KRABD3: variants seen among roughly 807,000 people sequenced by gnomAD.
The protein encoded by KRABD3 is KRAB domain-containing protein 3.
the KRABD3 span, chr7:149,728,737 T>C: frequency 6.5e-7 from 1 of 1,548,754 alleles, no homozygotes; most frequent in Non-Finnish European, 8.8e-7. Flanking sequence ...CCCTAGGCGC[T>C]GCACCTGTGG....
At chr7:149,730,645 C>T in the KRABD3 span, 2 of 1,510,460 alleles carry the variant, frequency 1.3e-6, no homozygotes, top group Non-Finnish European at 1.8e-6. Context: ...CCTTTGAGTC[C>T]TGCCTGTCGC....
At chr7:149,723,746 C>T in the KRABD3 span, 43 of 1,612,326 alleles carry the variant, frequency 2.7e-5, no homozygotes, top group Middle Eastern at 1.6e-4. Flanking sequence ...AAGACCGAGG[C>T]GGTTTCAGGG....
chr7:149,727,240 C>A, the KRABD3 span, among the ~76,000 whole-genome samples: 2 of 152,194 alleles, frequency 1.3e-5, no homozygotes, highest in Non-Finnish European at 2.9e-5. Context: ...AATGTATTTA[C>A]TGAACAGGCC....
the KRABD3 span, chr7:149,725,262 G>GTC: frequency 6.7e-7 from 1 of 1,492,580 alleles, no homozygotes; most frequent in East Asian, 2.5e-5. Flanking sequence ...GGGTCTGATG[G>GTC]GCAAGGCTGG....
chr7:149,725,402 C>T, the KRABD3 span: 584 of 1,611,144 alleles, frequency 3.6e-4, no homozygotes, highest in Non-Finnish European at 4.3e-4. Context: ...TCCCAGCTGC[C>T]ACCCACTTCT....
At chr7:149,715,452 TCTTGG>T in the KRABD3 span, 4 of 742,802 alleles carry the variant, frequency 5.4e-6, no homozygotes, top group Non-Finnish European at 6.7e-6. Context: ...CCAAGTTTTG[TCTTGG>T]GAAGCCTGCA....
chr7:149,715,476 GT>G, the KRABD3 span: 2 of 458,456 alleles, frequency 4.4e-6, no homozygotes, highest in Non-Finnish European at 5.8e-6. Flanking sequence ...CAGGTAAGGC[GT>G]TTAGATCTGA....
At chr7:149,720,224 C>T in the KRABD3 span, 1 of 1,334,782 alleles carries the variant, frequency 7.5e-7, no homozygotes, top group East Asian at 2.6e-5. Flanking sequence ...AGCCTCTCAC[C>T]TCCCTGCCTC....
chr7:149,731,858 A>G, the KRABD3 span: 2 of 935,034 alleles, frequency 2.1e-6, no homozygotes, highest in Non-Finnish European at 3.4e-6. Flanking sequence ...TTCCAGGGTC[A>G]GTGTTTGAGT....
chr7:149,720,919 A>C, the KRABD3 span: 1 of 1,613,506 alleles, frequency 6.2e-7, no homozygotes, highest in Non-Finnish European at 8.5e-7. Flanking sequence ...GGAGAAGTCA[A>C]GGGCGCTATG....
the KRABD3 span, chr7:149,733,387 G>A: frequency 2.0e-5 from 32 of 1,611,184 alleles, no homozygotes; most frequent in Admixed American, 5.0e-5. Context: ...CTGCCCTTGC[G>A]GAGAAGCTGG....
chr7:149,723,607 C>A, the KRABD3 span: 1 of 880,992 alleles, frequency 1.1e-6, no homozygotes, highest in Non-Finnish European at 1.7e-6. Context: ...GAAGACTCAG[C>A]GAGCCACTGG....
chr7:149,729,080 G>C, the KRABD3 span: 1 of 848,260 alleles, frequency 1.2e-6, no homozygotes, highest in Non-Finnish European at 1.7e-6. Flanking sequence ...ACCTGATGCT[G>C]GTGTGCCTGA....
chr7:149,722,467 C>G, the KRABD3 span: 1 of 1,607,706 alleles, frequency 6.2e-7, no homozygotes, highest in East Asian at 2.2e-5. Context: ...GGCCCAGGAG[C>G]CCTGGGCGGG....
the KRABD3 span, among the ~76,000 whole-genome samples, chr7:149,724,045 G>C: frequency 4.6e-5 from 7 of 152,202 alleles, no homozygotes; most frequent in African/African-American, 1.7e-4. Context: ...CTGTGTAAGT[G>C]GAGCGAGCTG....
the KRABD3 span, chr7:149,729,403 C>T: frequency 1.4e-6 from 2 of 1,389,764 alleles, no homozygotes; most frequent in Non-Finnish European, 1.9e-6. Flanking sequence ...TACTGACAGC[C>T]CCACTTCAGT....
the KRABD3 span, chr7:149,733,222 G>C: frequency 1.4e-5 from 22 of 1,604,936 alleles, no homozygotes; most frequent in Non-Finnish European, 1.9e-5. Context: ...CCCATGAGAG[G>C]CTGCTCCCCC....
At chr7:149,730,197 G>A in the KRABD3 span, 2 of 1,575,342 alleles carry the variant, frequency 1.3e-6, no homozygotes, top group Non-Finnish European at 1.7e-6. Flanking sequence ...CGCCCTGAGG[G>A]GGATCTTGCC....
the KRABD3 span, among the ~76,000 whole-genome samples, chr7:149,727,076 C>T: frequency 2.0e-5 from 3 of 152,212 alleles, no homozygotes; most frequent in East Asian, 1.9e-4. Context: ...CGGCTCACTC[C>T]AGTCGAGTTG....
Sources: gnomAD v4.1 joint callset for allele counts (sites outside exome capture counted in the v4.1 genomes callset) on GRCh38, gnomAD v4.1.1 for gene constraint, MANE v1.5 for transcripts, NCBI Gene and HGNC (gene_info 2026-07-23, HGNC 2026-07-21) for gene names.